Variants in CAPN9 observed in about 807,000 individuals in gnomAD.
The protein encoded by CAPN9 is calpain 9.
Under a neutral mutation model 92.8 loss-of-function variants are expected in CAPN9, and 81 were observed. The observed-to-expected ratio is 0.87, with a 90% CI of 0.73 to 1.05. The LOEUF is 1.05. Ranked by LOEUF, CAPN9 falls within the 50% of genes least tolerant of loss-of-function variation. The pLI, the probability that CAPN9 is intolerant of heterozygous loss-of-function variation, is 0.00. For missense variants in CAPN9, 848 were observed against 866.2 expected (o/e 0.98, Z 0.26); for synonymous variants, 304 against 328.0 (o/e 0.93, Z 0.79).
chr1:230,778,875 A>G (rs745458820), intron 8 of CAPN9, 98 bp from the exon 9 acceptor site: 10 of 1,141,140 alleles, frequency 8.8e-6, no homozygotes, highest in Non-Finnish European at 1.3e-5. Flanking sequence ...CAGGAACAAG[A>G]TGATTTAATG....
In CAPN9 at chr1:230,792,372, G is replaced by A. The variant is rs146333168; in HGVS notation, c.1723-54G>A. 439 of 1,499,662 alleles carry A rather than the reference G, an allele frequency of 2.9e-4. 1 individual carries two copies. The African/African-American group carries it at 4.3e-3, about 15-fold the overall frequency. 92.9% of individuals were successfully genotyped at this position (1,499,662 alleles called of 1,614,324 possible). ...TGCAGTCCCAGAGCTGAGGTCCCAC[G>A]AGGAGCCTCAGGTTGAAACACTGCT... On this transcript the variant is annotated intron_variant, in intron 15 of 19. Coordinates refer to ENST00000271971, the MANE Select transcript of CAPN9 (RefSeq NM_006615.3).
chr1:230,774,493 C>G (rs1044058764), intron 7 of CAPN9, 61 bp from the exon 8 acceptor site: 14 of 1,105,234 alleles, frequency 1.3e-5, no homozygotes, highest in East Asian at 4.7e-5. Context: ...GGTTCCACAT[C>G]AAGGCCATTG....
intron 12 of CAPN9, among the ~76,000 whole-genome samples, chr1:230,786,681 G>A (rs1259962036): frequency 1.3e-5 from 2 of 152,298 alleles, no homozygotes; most frequent in East Asian, 3.9e-4. Flanking sequence ...TAACATTAGT[G>A]ACTTCATTTT....
chr1:230,753,339 C>A (rs951817388), intron 1 of CAPN9, among the ~76,000 whole-genome samples: 1 of 152,198 alleles, frequency 6.6e-6, no homozygotes, highest in Non-Finnish European at 1.5e-5. Flanking sequence ...CCTGGCCAAG[C>A]TTTCTTGAGT....
At chr1:230,792,163 GTCT>G (rs1261734958) in intron 15 of CAPN9, among the ~76,000 whole-genome samples, 2 of 152,194 alleles carry the variant, frequency 1.3e-5, no homozygotes, top group East Asian at 3.9e-4. Context: ...GGACTTGGGG[GTCT>G]TCTTGCCACT....
chr1:230,780,422 A>ACCAAGAGT lies in CAPN9; in HGVS notation c.1273-74_1273-67dup, dbSNP rs1572063373. The ACCAAGAGT allele has an allele frequency of 1.9e-6, 3 of 1,598,122 alleles. No individual in the cohort carries two copies. In the East Asian group the frequency reaches 6.7e-5, roughly 36 times the overall value. ...TCCTCGGTCTCACACCCGAGACTCA[A>ACCAAGAGT]CCAAGAGTCCATGAATTGTGTCCGA... On this transcript the variant is annotated intron_variant, in intron 10 of 19. Transcript: ENST00000271971.
chr1:230,768,843 T>G (rs1243104617), intron 5 of CAPN9, among the ~76,000 whole-genome samples: 1 of 152,222 alleles, frequency 6.6e-6, no homozygotes, highest in Non-Finnish European at 1.5e-5. Flanking sequence ...TATATTCTTC[T>G]TTTCGTCTCT....
chr1:230,748,148 G>T (rs1331117098), intron 1 of CAPN9, among the ~76,000 whole-genome samples: 1 of 152,192 alleles, frequency 6.6e-6, no homozygotes, highest in Non-Finnish European at 1.5e-5. Flanking sequence ...GGCTCAGCAA[G>T]GTCTCAGCAA....
At chr1:230,771,937 T>C (rs1358070391) in intron 6 of CAPN9, 77 bp from the exon 7 acceptor site, 4 of 1,176,730 alleles carry the variant, frequency 3.4e-6, no homozygotes, top group African/African-American at 1.5e-5. Context: ...CTGGTCCACC[T>C]GGAGCTCATA....
At chr1:230,777,921 C>T (rs1666931201) in intron 8 of CAPN9, among the ~76,000 whole-genome samples, 6 of 152,158 alleles carry the variant, frequency 3.9e-5, no homozygotes, top group Admixed American at 3.3e-4. Context: ...TGTCTATTCC[C>T]ACTCTTTAGG....
Position 230,779,136 on chromosome 1 carries a change from A to T in CAPN9, c.1114+3A>T. On this transcript the variant is annotated splice_donor_region_variant and intron_variant, in intron 9 of 19. Coordinates refer to ENST00000271971, the MANE Select transcript of CAPN9 (RefSeq NM_006615.3). ...TGGGGGCTGCCGCAATTTCCTGGGT[A>T]GGTAGGCTGCCTGTCACTCTCTCTG... The T allele has an allele frequency of 6.2e-7, 1 of 1,611,880 alleles. No homozygotes were observed. Among genetic ancestry groups the T allele is most frequent in the Non-Finnish European group, 8.5e-7 (1 of 1,179,674 alleles).
intron 10 of CAPN9, 21 bp from the exon 11 acceptor site, chr1:230,780,479 T>G (rs1374094844): frequency 1.2e-6 from 2 of 1,611,976 alleles, no homozygotes; most frequent in Non-Finnish European, 1.7e-6. Flanking sequence ...AGGAAACCCC[T>G]CCCTTTCTTG....
At chr1:230,784,354 A>G (rs974533920) in intron 11 of CAPN9, among the ~76,000 whole-genome samples, 1 of 152,248 alleles carries the variant, frequency 6.6e-6, no homozygotes, top group African/African-American at 2.4e-5. Context: ...CAATGGGGAA[A>G]AGGCCTCAAA....
At chr1:230,759,667 T>TG (rs748992892) in intron 3 of CAPN9, 37 bp downstream of exon 3, 27 of 1,395,160 alleles carry the variant, frequency 1.9e-5, no homozygotes, top group Non-Finnish European at 2.7e-5. Context: ...TTTACCTCTC[T>TG]GGGGCCCGGC....
Position 230,780,567 on chromosome 1 carries a change from A to G in CAPN9, c.1340A>G (p.Lys447Arg). 1 of 1,614,226 alleles carries G rather than the reference A, an allele frequency of 6.2e-7. No homozygotes were observed. Residue 447 changes from lysine (K) to arginine (R), a missense_variant, in exon 11 of 20, where the codon AAG (lysine) becomes AGG (arginine). Transcript: ENST00000271971. ...TACCACGCTTCTCGGGCCAGAAGCAAGACGTTCATCAACCTGAGAGAAGTC... is the reference window on the plus strand; with the variant it reads ...TACCACGCTTCTCGGGCCAGAAGCAGGACGTTCATCAACCTGAGAGAAGTC... ...FRYHASRARS[K>R]TFINLREVSD...
chr1:230,792,407 CT>C lies in CAPN9; in HGVS notation c.1723-17del. ...AGGTTGAAACACTGCTCATGTCTCC[CT>C]TAACCCACATGGCACAGACCAGCGG... On this transcript the variant is annotated intron_variant, in intron 15 of 19. Coordinates refer to ENST00000271971, the MANE Select transcript of CAPN9 (RefSeq NM_006615.3). 6.2e-7 allele frequency: 1 copy of C among 1,611,640 alleles called. No homozygotes were observed. The highest frequency in any genetic ancestry group is 1.1e-5 in the South Asian group (1 of 90,998).
chr1:230,791,111 T>A (rs1393172956), intron 14 of CAPN9, among the ~76,000 whole-genome samples: 3 of 152,162 alleles, frequency 2.0e-5, no homozygotes, highest in Admixed American at 2.0e-4. Flanking sequence ...CCCTGTTCTG[T>A]TTATTCATTC....
intron 1 of CAPN9, among the ~76,000 whole-genome samples, chr1:230,754,756 A>AGT (rs1182853399): frequency 2.6e-5 from 4 of 152,262 alleles, no homozygotes; most frequent in African/African-American, 9.6e-5. Flanking sequence ...TCAAGGCTGT[A>AGT]GTGAGCTATG....
intron 4 of CAPN9, among the ~76,000 whole-genome samples, chr1:230,766,244 A>G (rs1665978549): frequency 6.6e-6 from 1 of 152,076 alleles, no homozygotes; most frequent in Admixed American, 6.5e-5. Context: ...TACAGGCACC[A>G]ACCACCACAC....
Sources: allele counts gnomAD v4.1 joint callset (sites outside exome capture counted in the v4.1 genomes callset), GRCh38; gene constraint gnomAD v4.1.1; transcripts MANE v1.5; gene names NCBI Gene and HGNC (gene_info 2026-07-23, HGNC 2026-07-21).